The following FOCAD variants were observed in gnomAD, a reference collection of about 807,000 sequenced individuals.
FOCAD encodes focadhesin.
FOCAD carries 198 observed loss-of-function variants against 225.6 expected under a neutral mutation model. That is an observed-to-expected ratio of 0.88 (90% CI 0.78 to 0.99). The LOEUF (loss-of-function observed/expected upper bound fraction) is 0.99. Among genes scored for constraint, FOCAD ranks in the 50% least tolerant of loss-of-function variants. The pLI, the probability that FOCAD is intolerant of heterozygous loss-of-function variation, is 0.00. For synonymous variants in FOCAD, 897 were observed against 755.0 expected (o/e 1.19, Z -3.08); for missense variants, 2,713 against 2,123.6 (o/e 1.28, Z -5.46).
Position 20,881,964 on chromosome 9 carries a change from C to T in FOCAD, c.2411C>T (p.Ser804Leu), listed in dbSNP as rs761275906. 2.0e-5 allele frequency: 33 copies of T among 1,613,796 alleles called. No homozygotes were observed. Among genetic ancestry groups the T allele is most frequent in the Non-Finnish European group, 2.4e-5 (28 of 1,179,898 alleles). The change falls in exon 20 of 44, where the codon TCA (serine) becomes TTA (leucine). Residue 804 changes from serine (S) to leucine (L), a missense_variant. Transcript: ENST00000338382. ...TCTGCATTAAAAGGAGGTGCCCGCT[C>T]AGACCAAGGAAAGACTGTAGCAGGA... is the stretch of plus-strand genomic sequence containing the variant. ...YHSALKGGARSDQGKTVAGIP... is the reference protein window; with the variant it reads ...YHSALKGGARLDQGKTVAGIP...
intron 2 of FOCAD, among the ~76,000 whole-genome samples, chr9:20,667,722 C>G (rs1821936429): frequency 1.3e-5 from 2 of 152,104 alleles, no homozygotes; most frequent in Non-Finnish European, 2.9e-5. Context: ...AATAATACTG[C>G]TTCATGGTCA....
intron 5 of FOCAD, among the ~76,000 whole-genome samples, chr9:20,749,561 T>A (rs1405944793): frequency 6.6e-6 from 1 of 152,184 alleles, no homozygotes; most frequent in African/African-American, 2.4e-5. Context: ...ACCAGCAGTT[T>A]CAAATAAAAA....
In FOCAD at chr9:20,795,744, A is replaced by G. The variant is rs1039184909; in HGVS notation, c.1455+6136A>G. Among the ~76,000 whole-genome samples, 15 of 131,678 alleles carry G rather than the reference A, an allele frequency of 1.1e-4. No homozygotes were observed. In the Admixed American group the frequency reaches 1.3e-3, roughly 12 times the overall value. 86.4% of individuals were successfully genotyped at this position (131,678 alleles called of 152,430 possible). A position where few individuals can be genotyped will look rare whatever the true frequency, so the allele number is the denominator to read the frequency against. ...GCTTACAGTGAGCTGAGATCGCACC[A>G]CTGCACTCCAGGCTGGGGGACAGAG... On this transcript the variant is annotated intron_variant, in intron 11 of 43. Transcript: ENST00000338382.
rs543690110 is a variant in FOCAD, at chr9:20,920,958, TATA to T, written c.2853-2691_2853-2689del. On this transcript the variant is annotated intron_variant, in intron 24 of 43. Transcript: ENST00000338382. The stretch of plus-strand genomic sequence containing the variant: ...TGCACATGTACCCTAAAACTTAAAG[TATA>T]ATAATAATAAAATTAAAAAATAAAT... Among the ~76,000 whole-genome samples, 592 of 149,914 alleles carry T rather than the reference TATA, an allele frequency of 3.9e-3. 2 individuals carry two copies. The highest frequency in any genetic ancestry group is 6.9e-3 in the Middle Eastern group (2 of 290).
At chr9:20,877,758 A>C (rs749085953) in intron 19 of FOCAD, among the ~76,000 whole-genome samples, 42 of 152,064 alleles carry the variant, frequency 2.8e-4, no homozygotes, top group Admixed American at 5.2e-4. Flanking sequence ...AAAAATACAA[A>C]AATTAGCCGG....
chr9:20,879,673 G>C (rs1046499294), intron 19 of FOCAD, among the ~76,000 whole-genome samples: 1 of 152,160 alleles, frequency 6.6e-6, no homozygotes, highest in Non-Finnish European at 1.5e-5. Flanking sequence ...TCATTGGTAA[G>C]AAAGAGATTG....
At chr9:20,741,662 A>T (rs1306325262) in intron 5 of FOCAD, among the ~76,000 whole-genome samples, 4 of 146,256 alleles carry the variant, frequency 2.7e-5, no homozygotes, top group Non-Finnish European at 5.9e-5. Flanking sequence ...AAGCTTTCCA[A>T]ATCGGTAAAT....
At position 20,770,257 on chromosome 9, in the gene FOCAD, T is replaced by C; in HGVS notation, c.906+19T>C. 1 of 1,596,906 alleles carries C rather than the reference T, an allele frequency of 6.3e-7. No homozygotes were observed. Among genetic ancestry groups the C allele is most frequent in the Non-Finnish European group, 8.6e-7 (1 of 1,165,132 alleles). On this transcript the variant is annotated intron_variant, in intron 8 of 43. Transcript: ENST00000338382. ...GAAGGAGGTAAGGATAGTAGTATAT[T>C]ATACTGTTCATGCATTGCTATTAAG...
At chr9:20,761,133 G>T (rs1365847846) in intron 6 of FOCAD, among the ~76,000 whole-genome samples, 1 of 151,964 alleles carries the variant, frequency 6.6e-6, no homozygotes, top group Non-Finnish European at 1.5e-5. Context: ...AGCCTTCTGA[G>T]TAGCTGGGAC....
At position 20,852,855 on chromosome 9, in the gene FOCAD, T is replaced by A. The variant is rs538213693; in HGVS notation, c.1921-9723T>A. On this transcript the variant is annotated intron_variant, in intron 15 of 43. Coordinates refer to ENST00000338382, the MANE Select transcript of FOCAD (RefSeq NM_001375567.1). ...AGTAAATACTCAATTTGCTTTACTT[T>A]TAATTTTGTATCTGTTGAACAACTT... Among the ~76,000 whole-genome samples, 5 of 151,920 alleles carry A rather than the reference T, an allele frequency of 3.3e-5. No individual in the cohort carries two copies. In the East Asian group the frequency reaches 9.6e-4, roughly 29 times the overall value.
chr9:20,783,583 A>ATT (rs11355264), intron 10 of FOCAD, among the ~76,000 whole-genome samples: 2 of 143,630 alleles, frequency 1.4e-5, no homozygotes, highest in Non-Finnish European at 1.5e-5. Flanking sequence ...TGACTATTGG[A>ATT]TTTTTTTTTT....
At chr9:20,892,895 T>A (rs927224711) in intron 21 of FOCAD, among the ~76,000 whole-genome samples, 1 of 152,114 alleles carries the variant, frequency 6.6e-6, no homozygotes, top group Non-Finnish European at 1.5e-5. Flanking sequence ...CATCCCAACA[T>A]TCATCAGCCA....
Position 20,922,519 on chromosome 9 carries a change from C to T in FOCAD, c.2853-1141C>T, listed in dbSNP as rs368264889. 1.0e-3 allele frequency among the ~76,000 whole-genome samples: 155 copies of T among 152,282 alleles called. 5 individuals are homozygous for T. In the South Asian group the frequency reaches 0.03, roughly 30 times the overall value. On this transcript the variant is annotated intron_variant, in intron 24 of 43. Transcript: ENST00000338382. ...AAGCAGAAATGCAAGAACACATGTG[C>T]GCCAGCAATTTAATACCCACTGACT... is the stretch of plus-strand genomic sequence containing the variant.
intron 2 of FOCAD, among the ~76,000 whole-genome samples, chr9:20,716,577 A>G (rs1344785912): frequency 2.0e-5 from 3 of 152,128 alleles, no homozygotes; most frequent in African/African-American, 4.8e-5. Context: ...GATATGAACT[A>G]TAGCTTTTTC....
intron 11 of FOCAD, among the ~76,000 whole-genome samples, chr9:20,794,570 A>G (rs1372074844): frequency 6.6e-6 from 1 of 152,208 alleles, no homozygotes; most frequent in African/African-American, 2.4e-5. Flanking sequence ...AAGAGAACAC[A>G]AGGCTACAGA....
chr9:20,898,653 A>C (rs1832306962), intron 21 of FOCAD, among the ~76,000 whole-genome samples: 1 of 151,838 alleles, frequency 6.6e-6, no homozygotes, highest in African/African-American at 2.4e-5. Flanking sequence ...TATGGCCTTT[A>C]GCACATTAGT....
chr9:20,742,842 A>G (rs1339117229), intron 5 of FOCAD, among the ~76,000 whole-genome samples: 5 of 152,216 alleles, frequency 3.3e-5, no homozygotes, highest in Non-Finnish European at 5.9e-5. Context: ...TGAGAAGCTG[A>G]GAAGAATTGG....
intron 34 of FOCAD, 147 bp downstream of exon 34, chr9:20,951,245 TG>T: frequency 1.6e-6 from 1 of 642,200 alleles, no homozygotes; most frequent in Non-Finnish European, 2.7e-6. Context: ...AAATGGTGTA[TG>T]GAAAGGCTTC....
intron 15 of FOCAD, among the ~76,000 whole-genome samples, chr9:20,840,542 G>GT (rs933040282): frequency 2.9e-5 from 4 of 137,584 alleles, no homozygotes; most frequent in Admixed American, 1.4e-4. Flanking sequence ...GAATTACTTT[G>GT]TTTTTTTCAT....
Sources: allele counts gnomAD v4.1 joint callset (sites outside exome capture counted in the v4.1 genomes callset), GRCh38; gene constraint gnomAD v4.1.1; transcripts MANE v1.5; gene names NCBI Gene and HGNC (gene_info 2026-07-23, HGNC 2026-07-21).